VWA8: variants seen among roughly 807,000 people sequenced by gnomAD.
VWA8 encodes von Willebrand factor A domain-containing protein 8.
A neutral mutation model predicts 241.5 loss-of-function variants in VWA8; 221 were observed. The ratio of observed to expected loss-of-function variants is 0.91; its 90% CI spans 0.82 to 1.02. VWA8 has a LOEUF of 1.02. VWA8 is among the 50% of genes least tolerant of loss of function. The probability of loss-of-function intolerance (pLI) is 0.00; values close to 1 mark genes in which losing one functional copy is unlikely to be tolerated. For synonymous variants in VWA8, 852 were observed against 827.1 expected, an observed-to-expected ratio of 1.03 and a Z score of -0.52; for missense variants, 2,322 against 2,328.7, an observed-to-expected ratio of 1.00 and a Z score of 0.06.
chr13:41,913,856 CA>C (rs1240616450), intron 2 of VWA8, among the ~76,000 whole-genome samples: 3 of 152,198 alleles, frequency 2.0e-5, no homozygotes, highest in Non-Finnish European at 2.9e-5. Context: ...TCATCCCTAG[CA>C]GGATAAAATC....
At chr13:41,831,851 C>T (rs2138002458) in intron 13 of VWA8, among the ~76,000 whole-genome samples, 1 of 152,042 alleles carries the variant, frequency 6.6e-6, no homozygotes, top group African/African-American at 2.4e-5. Context: ...AACTTCTGAC[C>T]TCAGGTGATC....
chr13:41,837,038 T>A (rs1450682948), intron 12 of VWA8, among the ~76,000 whole-genome samples: 2 of 73,880 alleles, frequency 2.7e-5, no homozygotes, highest in East Asian at 6.1e-4. Context: ...AGATAGATGA[T>A]AGATAGATAG....
chr13:41,576,818 G>C (rs558984116), intron 42 of VWA8, among the ~76,000 whole-genome samples: 7 of 152,368 alleles, frequency 4.6e-5, no homozygotes, highest in African/African-American at 1.7e-4. Flanking sequence ...TGGAAGTTCT[G>C]TGCTAGAACA....
At position 41,566,983 on chromosome 13, in the gene VWA8, T is replaced by C. The variant is rs1211495208; in HGVS notation, c.*1214A>G. 6.6e-6 allele frequency: 1 copy of C among 152,162 alleles called. No homozygotes were observed. Among genetic ancestry groups the C allele is most frequent in the African/African-American group, 2.4e-5 (1 of 41,420 alleles). The allele number at this position is 152,162 out of a possible 1,614,324, so 9.4% of individuals were successfully genotyped here. A position where few individuals can be genotyped will look rare whatever the true frequency, so the allele number is the denominator to read the frequency against. ...TACAATTTCAATAGATATGGATGGA[T>C]AGGATAATATTATTAATAATAGTTT... On this transcript the variant is annotated 3_prime_UTR_variant, in exon 45 of 45. Coordinates refer to ENST00000379310, the MANE Select transcript of VWA8 (RefSeq NM_015058.2).
rs1442743337 is a variant in VWA8 at position 41,572,104 on chromosome 13, CCGCCCGGCAG to C, written c.5371-1408_5371-1399del. Among the ~76,000 whole-genome samples the C allele has an allele frequency of 3.2e-3, 484 of 151,842 alleles. 2 individuals are homozygous for C. Among genetic ancestry groups the C allele is most frequent in the African/African-American group, 0.011 (449 of 41,506 alleles). On this transcript the variant is annotated intron_variant, in intron 43 of 44. Coordinates refer to ENST00000379310, the MANE Select transcript of VWA8 (RefSeq NM_015058.2). ...CCCGTCTGAGCAGTGAGGAGCCCCT[CCGCCCGGCAG>C]CTGCCCGTCTGCGAAGTGAGGAGCC...
chr13:41,722,520 A>G (rs907263085), intron 24 of VWA8, among the ~76,000 whole-genome samples: 1 of 152,176 alleles, frequency 6.6e-6, no homozygotes, highest in African/African-American at 2.4e-5. Context: ...GAAAGCCATG[A>G]TATCTTCAAA....
chr13:41,865,331 T>C (rs566522692), intron 12 of VWA8: 1 of 395,522 alleles, frequency 2.5e-6, no homozygotes, highest in East Asian at 8.7e-5. Context: ...ATTTGAATTA[T>C]TAACTACTAG....
intron 12 of VWA8, among the ~76,000 whole-genome samples, chr13:41,835,626 G>A (rs906755176): frequency 1.3e-5 from 2 of 151,914 alleles, no homozygotes; most frequent in Non-Finnish European, 2.9e-5. Context: ...CAAAGGGATC[G>A]CTCTCTAGAA....
chr13:41,895,536 T>C (rs1875058429), intron 4 of VWA8, among the ~76,000 whole-genome samples: 1 of 152,264 alleles, frequency 6.6e-6, no homozygotes, highest in African/African-American at 2.4e-5. Flanking sequence ...AGCAGTGCAA[T>C]CTGCCTCAAA....
intron 40 of VWA8, among the ~76,000 whole-genome samples, chr13:41,601,605 G>C (rs960565236): frequency 3.3e-5 from 5 of 152,116 alleles, no homozygotes; most frequent in African/African-American, 9.7e-5. Context: ...GTTAGAGCAT[G>C]CATGGTGCAA....
chr13:41,817,007 T>C (rs1404967280), intron 15 of VWA8, among the ~76,000 whole-genome samples: 1 of 152,206 alleles, frequency 6.6e-6, no homozygotes, highest in Non-Finnish European at 1.5e-5. Context: ...CAAGACACTC[T>C]TCTCCATATA....
At chr13:41,586,300 C>T (rs1378880977) in intron 42 of VWA8, among the ~76,000 whole-genome samples, 1 of 152,198 alleles carries the variant, frequency 6.6e-6, no homozygotes, top group Non-Finnish European at 1.5e-5. Context: ...TCTGAGCTTC[C>T]TGGCAACTAA....
intron 9 of VWA8, among the ~76,000 whole-genome samples, chr13:41,868,810 C>T (rs1288329804): frequency 6.8e-6 from 1 of 146,054 alleles, no homozygotes; most frequent in Non-Finnish European, 1.5e-5. Flanking sequence ...ATGGCGTGAA[C>T]CCGGGAGGTG....
intron 2 of VWA8, among the ~76,000 whole-genome samples, chr13:41,937,207 G>T (rs941231169): frequency 2.0e-5 from 3 of 152,114 alleles, no homozygotes; most frequent in Admixed American, 2.0e-4. Flanking sequence ...CCACAGACTG[G>T]GGGGAGGGAA....
chr13:41,931,229 G>A (rs1322045181), intron 2 of VWA8, among the ~76,000 whole-genome samples: 1 of 133,330 alleles, frequency 7.5e-6, no homozygotes, highest in Non-Finnish European at 1.6e-5. Context: ...GCCACAACAT[G>A]AATGAAGTTG....
chr13:41,594,029 TC>T (rs1042661591), intron 40 of VWA8, among the ~76,000 whole-genome samples: 1 of 152,058 alleles, frequency 6.6e-6, no homozygotes, highest in Non-Finnish European at 1.5e-5. Flanking sequence ...CCCTACCCAA[TC>T]CCATTAGCTG....
intron 14 of VWA8, among the ~76,000 whole-genome samples, chr13:41,820,910 C>T (rs887947632): frequency 6.6e-6 from 1 of 152,160 alleles, no homozygotes; most frequent in Non-Finnish European, 1.5e-5. Context: ...TGATCCTCTT[C>T]TCTCCTAGTT....
In VWA8 at chr13:41,871,704, G is replaced by A. The variant is rs376422112; in HGVS notation, c.1081-3227C>T. Among the ~76,000 whole-genome samples, 11 of 151,982 alleles carry A rather than the reference G, an allele frequency of 7.2e-5. No homozygotes were observed. The East Asian group carries it at 9.7e-4, about 13-fold the overall frequency. On this transcript the variant is annotated intron_variant, in intron 9 of 44. Transcript: ENST00000379310. ...CCACATTTTCTTAATCCAGTCTATC[G>A]TTGTTGGACATTTGGGTTGGTTCCA... is the stretch of plus-strand genomic sequence containing the variant.
intron 29 of VWA8, 99 bp from the exon 30 acceptor site, chr13:41,693,071 T>C: frequency 1.4e-6 from 1 of 712,912 alleles, no homozygotes; most frequent in Non-Finnish European, 2.3e-6. Context: ...AAGGTTATAG[T>C]GATAAATCAA....
Sources: allele counts gnomAD v4.1 joint callset (sites outside exome capture counted in the v4.1 genomes callset), GRCh38; gene constraint gnomAD v4.1.1; transcripts MANE v1.5; gene names NCBI Gene and HGNC (gene_info 2026-07-23, HGNC 2026-07-21).